SAFB2: variants seen among roughly 807,000 people sequenced by gnomAD.
SAFB2 encodes scaffold attachment factor B2.
SAFB2 carries 32 observed loss-of-function variants against 100.6 expected under a neutral mutation model. That is an observed-to-expected ratio of 0.32 (90% CI 0.24 to 0.43). The LOEUF (loss-of-function observed/expected upper bound fraction) is 0.43. Among genes scored for constraint, SAFB2 ranks in the 20% least tolerant of loss-of-function variants. SAFB2 has a pLI of 1.00. For missense variants in SAFB2, 1,185 were observed against 1,163.4 expected (o/e 1.02, Z -0.27); for synonymous variants, 500 against 439.4 (o/e 1.14, Z -1.72).
At chr19:5,592,428 C>A (rs1278215607) in intron 16 of SAFB2, among the ~76,000 whole-genome samples, 1 of 152,220 alleles carries the variant, frequency 6.6e-6, no homozygotes, top group Non-Finnish European at 1.5e-5. Context: ...CTCTTGGGCA[C>A]AACCAGGTTG....
At chr19:5,588,108 G>T in intron 18 of SAFB2, 128 bp from the exon 19 acceptor site, 1 of 802,856 alleles carries the variant, frequency 1.2e-6, no homozygotes, top group Non-Finnish European at 1.9e-6. Context: ...CATGTCAAGT[G>T]GGCAAATCAA....
chr19:5,589,170 C>T (rs1414429700), intron 18 of SAFB2: 3 of 152,300 alleles, frequency 2.0e-5, no homozygotes, highest in Admixed American at 1.3e-4. Flanking sequence ...CTCGGTGACC[C>T]GATGGCGCCC....
intron 9 of SAFB2, among the ~76,000 whole-genome samples, chr19:5,607,978 T>C (rs565989887): frequency 6.6e-6 from 1 of 152,340 alleles, no homozygotes; most frequent in Admixed American, 6.5e-5. Context: ...TTAATCATCC[T>C]TACAAGTATA....
chr19:5,590,428 C>G lies in SAFB2; in HGVS notation c.2395-20G>C, dbSNP rs1351417093. 1 of 1,587,894 alleles carries G rather than the reference C, an allele frequency of 6.3e-7. No individual in the cohort carries two copies. Among genetic ancestry groups the G allele is most frequent in the Non-Finnish European group, 8.6e-7 (1 of 1,164,418 alleles). ...ATAGTGCTGGAAGGCAGGAGAGGAA[C>G]AGGGTGACACTGACCATGTCACCCA... On this transcript the variant is annotated intron_variant, in intron 17 of 20. Coordinates refer to ENST00000252542, the MANE Select transcript of SAFB2 (RefSeq NM_014649.3).
At chr19:5,605,746 G>A (rs749756261) in intron 9 of SAFB2, among the ~76,000 whole-genome samples, 1 of 152,190 alleles carries the variant, frequency 6.6e-6, no homozygotes, top group South Asian at 2.1e-4. Context: ...CGTAGGCAAC[G>A]ACAGTTTTCA....
intron 2 of SAFB2, among the ~76,000 whole-genome samples, chr19:5,620,183 A>C (rs2053111864): frequency 6.6e-6 from 1 of 152,256 alleles, no homozygotes; most frequent in Non-Finnish European, 1.5e-5. Flanking sequence ...CTCTTATGCA[A>C]CCTAACTAAA....
At chr19:5,609,104 CTT>C (rs1420532526) in intron 9 of SAFB2, among the ~76,000 whole-genome samples, 7 of 149,042 alleles carry the variant, frequency 4.7e-5, no homozygotes, top group Admixed American at 2.0e-4. Flanking sequence ...AAAGAAGACT[CTT>C]AATTAATTTC....
chr19:5,621,870 C>G (rs1300978327), intron 1 of SAFB2, among the ~76,000 whole-genome samples: 2 of 152,234 alleles, frequency 1.3e-5, no homozygotes, highest in African/African-American at 4.8e-5. Context: ...TCCCTATGCT[C>G]AAGTTGTTTG....
At chr19:5,598,768 C>G (rs755029687) in intron 13 of SAFB2, 25 bp downstream of exon 13, 59 of 1,602,456 alleles carry the variant, frequency 3.7e-5, no homozygotes, top group Non-Finnish European at 4.8e-5. Flanking sequence ...ACAGCTGGCC[C>G]TGAGATGGCA....
At chr19:5,593,144 C>T (rs1032513533) in intron 15 of SAFB2, among the ~76,000 whole-genome samples, 5 of 152,344 alleles carry the variant, frequency 3.3e-5, no homozygotes, top group Middle Eastern at 3.4e-3. Context: ...CTCATTGTCT[C>T]GTGAGGCTGT....
rs568663073 is a variant in SAFB2 at position 5,601,692 on chromosome 19, CAG to C, written c.1560-1434_1560-1433del. ...GCGCCACTGCACTCCAGCCTGGCAA[CAG>C]AGAGAGACTCCATCTCAAAATAAAT... On this transcript the variant is annotated intron_variant, in intron 11 of 20. Transcript: ENST00000252542. Among the ~76,000 whole-genome samples the C allele has an allele frequency of 7.3e-5, 11 of 149,682 alleles. No individual in the cohort carries two copies. In the South Asian group the frequency reaches 2.4e-3, roughly 32 times the overall value.
chr19:5,612,337 G>A (rs2052926203), intron 6 of SAFB2: 1 of 608,858 alleles, frequency 1.6e-6, no homozygotes, highest in Non-Finnish European at 2.9e-6. Flanking sequence ...TGCACCAAAT[G>A]TATTTGACCT....
intron 4 of SAFB2, among the ~76,000 whole-genome samples, chr19:5,614,562 G>A (rs975016228): frequency 4.6e-5 from 7 of 152,214 alleles, no homozygotes; most frequent in Non-Finnish European, 2.9e-5. Context: ...GGTAAATTTG[G>A]AGGCAATGAC....
chr19:5,612,929 A>G (rs1599270870), intron 5 of SAFB2, among the ~76,000 whole-genome samples: 1 of 152,202 alleles, frequency 6.6e-6, no homozygotes, highest in Admixed American at 6.5e-5. Flanking sequence ...ACTTCTCCCA[A>G]CATAAACTGA....
intron 9 of SAFB2, among the ~76,000 whole-genome samples, chr19:5,608,374 T>A (rs1203581958): frequency 1.3e-5 from 2 of 152,236 alleles, no homozygotes; most frequent in African/African-American, 4.8e-5. Context: ...AAATCTGTGA[T>A]GACAGTGACC....
chr19:5,589,837 T>C (rs985485163), intron 18 of SAFB2, among the ~76,000 whole-genome samples: 3 of 152,008 alleles, frequency 2.0e-5, no homozygotes, highest in Non-Finnish European at 4.4e-5. Flanking sequence ...ATAGGCAGGA[T>C]AGGGTTGAGA....
Position 5,602,905 on chromosome 19 carries a change from A to ACCCCCCC in SAFB2, c.1559+1677_1559+1678insGGGGGGG, listed in dbSNP as rs1157478969. On this transcript the variant is annotated intron_variant, in intron 11 of 20. Transcript: ENST00000252542. ...AGTTGCTGATTAAATTAGAGGGCTCACCGCCCCCCCCACCCCCCTCCTCCA... is the reference window on the plus strand; with the variant it reads ...AGTTGCTGATTAAATTAGAGGGCTCACCCCCCCCCGCCCCCCCCACCCCCCTCCTCCA... Among the ~76,000 whole-genome samples the ACCCCCCC allele has an allele frequency of 1.1e-4, 15 of 140,144 alleles. No homozygotes were observed. In the South Asian group the frequency reaches 1.2e-3, roughly 11 times the overall value. 91.9% of individuals were successfully genotyped at this position (140,144 alleles called of 152,430 possible).
chr19:5,593,978 C>T lies in SAFB2; in HGVS notation c.2120G>A (p.Arg707His), dbSNP rs922875661. Residue 707 changes from arginine to histidine, a missense_variant, in exon 15 of 21, where the codon CGC becomes CAC. Physicochemically the swap from Arg to His is conservative, Grantham distance 29 (BLOSUM62 0). Coordinates refer to ENST00000252542, the MANE Select transcript of SAFB2 (RefSeq NM_014649.3). ...ERRKEQERIH[R>H]EREELRRQQE... ...CTGGCGCCGCAGCTCCTCGCGCTCG[C>T]GGTGGATGCGCTCCTGCTCCTTCCT... 4.5e-6 allele frequency: 7 copies of T among 1,554,004 alleles called. No individual in the cohort carries two copies. The highest frequency in any genetic ancestry group is 6.1e-6 in the Non-Finnish European group (7 of 1,156,802).
chr19:5,619,519 T>C (rs1184241052), intron 2 of SAFB2, among the ~76,000 whole-genome samples: 1 of 152,226 alleles, frequency 6.6e-6, no homozygotes, highest in Non-Finnish European at 1.5e-5. Context: ...AGTTTAGTTT[T>C]TCTAATGATG....
Sources: allele counts gnomAD v4.1 joint callset (sites outside exome capture counted in the v4.1 genomes callset), GRCh38; gene constraint gnomAD v4.1.1; transcripts MANE v1.5; gene names NCBI Gene and HGNC (gene_info 2026-07-23, HGNC 2026-07-21).